The following PHACTR1 variants were observed in gnomAD, a reference collection of about 807,000 sequenced individuals.
PHACTR1 encodes the protein phosphatase and actin regulator 1, also known as RPEL repeat containing 1.
PHACTR1 carries 16 observed loss-of-function variants against 69.2 expected under a neutral mutation model. That is an observed-to-expected ratio of 0.23 (90% CI 0.16 to 0.35). PHACTR1 has a LOEUF of 0.35. PHACTR1 is among the 10% of genes least tolerant of loss of function. The pLI is 1.00. For synonymous variants in PHACTR1, 312 were observed against 284.5 expected (o/e 1.10, Z -0.97); for missense variants, 510 against 734.7 (o/e 0.69, Z 3.54).
intron 6 of PHACTR1, among the ~76,000 whole-genome samples, chr6:13,163,582 G>GTA (rs1468221381): frequency 6.6e-6 from 1 of 152,188 alleles, no homozygotes; most frequent in Non-Finnish European, 1.5e-5. Context: ...ACATAGTAGT[G>GTA]TATAGGTTTG....
chr6:13,254,162 A>G (rs1467750694), intron 10 of PHACTR1, among the ~76,000 whole-genome samples: 1 of 152,144 alleles, frequency 6.6e-6, no homozygotes, highest in Non-Finnish European at 1.5e-5. Flanking sequence ...CGGGAGGCGG[A>G]GGTTGCAGTG....
chr6:12,856,144 G>A (rs1310784858), intron 4 of PHACTR1, among the ~76,000 whole-genome samples: 2 of 152,070 alleles, frequency 1.3e-5, no homozygotes, highest in Non-Finnish European at 2.9e-5. Flanking sequence ...TGGGACCCTA[G>A]GGGAGTAGAA....
At chr6:13,019,239 T>G (rs1002953559) in intron 4 of PHACTR1, among the ~76,000 whole-genome samples, 2 of 152,058 alleles carry the variant, frequency 1.3e-5, no homozygotes, top group African/African-American at 4.8e-5. Context: ...AAAAGTTTAT[T>G]ATGAAAAATT....
Position 13,250,340 on chromosome 6 carries a change from TTACTC to T in PHACTR1, c.1391+20150_1391+20154del, listed in dbSNP as rs572942613. On this transcript the variant is annotated intron_variant, in intron 10 of 14. Transcript: ENST00000332995. ...CACATAGGGATTTCCTTTGTGCTCA[TTACTC>T]TAATCATCAAAATAATCCCATTTAC... 3.3e-5 allele frequency among the ~76,000 whole-genome samples: 5 copies of T among 152,340 alleles called. No homozygotes were observed. In the East Asian group the frequency reaches 9.6e-4, roughly 29 times the overall value.
chr6:13,077,992 A>G (rs1486591274), intron 5 of PHACTR1, among the ~76,000 whole-genome samples: 1 of 152,126 alleles, frequency 6.6e-6, no homozygotes, highest in Admixed American at 6.6e-5. Flanking sequence ...ATGACAAGGA[A>G]CACTCATGGC....
intron 4 of PHACTR1, among the ~76,000 whole-genome samples, chr6:12,798,894 A>G (rs539323309): frequency 6.6e-6 from 1 of 152,302 alleles, no homozygotes; most frequent in African/African-American, 2.4e-5. Flanking sequence ...CATTCTCTCT[A>G]TTCTTTCATT....
intron 3 of PHACTR1, among the ~76,000 whole-genome samples, chr6:12,734,489 C>A (rs984504213): frequency 6.6e-6 from 1 of 152,096 alleles, no homozygotes; most frequent in Admixed American, 6.6e-5. Context: ...AGGTAAGTGA[C>A]CTGCATGAAA....
Position 13,160,926 on chromosome 6 carries a change from G to A in PHACTR1, c.496+642G>A, listed in dbSNP as rs1016363815. Among the ~76,000 whole-genome samples the A allele has an allele frequency of 2.6e-5, 4 of 152,120 alleles. No individual in the cohort carries two copies. In the East Asian group the frequency reaches 5.8e-4, roughly 22 times the overall value. ...ATGAACGTATGCAGTGAACTACATG[G>A]CATATGAAGTATCCTTCACTCCTCT... On this transcript the variant is annotated intron_variant, in intron 6 of 14. Transcript: ENST00000332995.
chr6:12,724,768 C>T (rs964944110), intron 3 of PHACTR1, among the ~76,000 whole-genome samples: 6 of 152,134 alleles, frequency 3.9e-5, no homozygotes, highest in African/African-American at 1.2e-4. Context: ...AGAGACAGAA[C>T]CAGATATCAT....
chr6:12,954,906 C>A (rs1476613066), intron 4 of PHACTR1, among the ~76,000 whole-genome samples: 2 of 152,152 alleles, frequency 1.3e-5, no homozygotes, highest in Non-Finnish European at 2.9e-5. Flanking sequence ...AGGGCTTGGC[C>A]ATCTAATGTG....
At chr6:13,189,961 T>C (rs1369580653) in intron 7 of PHACTR1, among the ~76,000 whole-genome samples, 1 of 151,316 alleles carries the variant, frequency 6.6e-6, no homozygotes, top group Non-Finnish European at 1.5e-5. Flanking sequence ...TGTAGACAGC[T>C]CCCTTCTCTC....
chr6:12,730,499 G>A (rs1213664878), intron 3 of PHACTR1, among the ~76,000 whole-genome samples: 2 of 151,326 alleles, frequency 1.3e-5, no homozygotes, highest in African/African-American at 4.9e-5. Context: ...AAACCTCAAT[G>A]CAGCTCAATC....
chr6:13,110,009 T>G (rs535442144), intron 5 of PHACTR1, among the ~76,000 whole-genome samples: 1 of 152,250 alleles, frequency 6.6e-6, no homozygotes, highest in Admixed American at 6.5e-5. Flanking sequence ...CTTTGTTGTT[T>G]TTTTAATATC....
intron 6 of PHACTR1, among the ~76,000 whole-genome samples, chr6:13,172,616 C>T (rs1254504109): frequency 6.6e-6 from 1 of 152,218 alleles, no homozygotes; most frequent in East Asian, 1.9e-4. Flanking sequence ...GGGTCAATGT[C>T]TTTGCCACTC....
At chr6:13,056,156 G>GC (rs1299950404) in intron 5 of PHACTR1, among the ~76,000 whole-genome samples, 7 of 152,144 alleles carry the variant, frequency 4.6e-5, no homozygotes, top group African/African-American at 1.7e-4. Context: ...TCTTGCAATC[G>GC]CAACATTTTG....
intron 8 of PHACTR1, among the ~76,000 whole-genome samples, chr6:13,214,671 A>C (rs922918647): frequency 2.0e-5 from 3 of 152,216 alleles, no homozygotes; most frequent in Non-Finnish European, 4.4e-5. Flanking sequence ...GGAGAAAGGC[A>C]ATGCGGGTAC....
intron 5 of PHACTR1, among the ~76,000 whole-genome samples, chr6:13,100,280 A>G (rs191224052): frequency 6.7e-4 from 102 of 152,324 alleles, no homozygotes; most frequent in African/African-American, 2.2e-3. Flanking sequence ...GGTTAGCTAT[A>G]GTGAAATATG....
Position 12,886,721 on chromosome 6 carries a change from C to G in PHACTR1, c.250+136931C>G, listed in dbSNP as rs529296218. On this transcript the variant is annotated intron_variant, in intron 4 of 14. Coordinates refer to ENST00000332995, the MANE Select transcript of PHACTR1 (RefSeq NM_030948.6). ...AACCCACTCACAGCTCATGGAGACA[C>G]CTGATGCTGAAAGGAGAGAAGACAG... is the stretch of plus-strand genomic sequence containing the variant. Among the ~76,000 whole-genome samples the G allele has an allele frequency of 3.3e-5, 5 of 152,120 alleles. No homozygotes were observed. In the East Asian group the frequency reaches 9.6e-4, roughly 29 times the overall value.
intron 4 of PHACTR1, among the ~76,000 whole-genome samples, chr6:12,809,259 T>C (rs576120854): frequency 6.6e-6 from 1 of 152,196 alleles, no homozygotes; most frequent in Non-Finnish European, 1.5e-5. Flanking sequence ...TTTGGTAATA[T>C]GGAAAATAAA....
Sources: gnomAD v4.1 joint callset for allele counts (sites outside exome capture counted in the v4.1 genomes callset) on GRCh38, gnomAD v4.1.1 for gene constraint, MANE v1.5 for transcripts, NCBI Gene and HGNC (gene_info 2026-07-23, HGNC 2026-07-21) for gene names.